MYO5B: variants seen among roughly 807,000 people sequenced by gnomAD.
MYO5B encodes the protein unconventional myosin-Vb.
MYO5B carries 143 observed loss-of-function variants against 229.3 expected under a neutral mutation model. The ratio of observed to expected loss-of-function variants is 0.62; its 90% CI spans 0.54 to 0.72. MYO5B has a LOEUF of 0.72. Ranked by LOEUF, MYO5B falls within the 30% of genes least tolerant of loss-of-function variation. MYO5B has a pLI of 0.00. For synonymous variants in MYO5B, 918 were observed against 885.2 expected (o/e 1.04, Z -0.66); for missense variants, 2,321 against 2,331.0 (o/e 1.00, Z 0.09).
chr18:50,021,158 T>C (rs114503216), intron 4 of MYO5B, among the ~76,000 whole-genome samples: 1,823 of 152,284 alleles, frequency 0.012, 30 homozygotes, highest in African/African-American at 0.042. Flanking sequence ...TGAGGAGCCA[T>C]TGAGTGTCAA....
intron 4 of MYO5B, among the ~76,000 whole-genome samples, chr18:50,009,777 C>T (rs1210712826): frequency 1.3e-5 from 2 of 152,264 alleles, no homozygotes; most frequent in African/African-American, 4.8e-5. Context: ...GGGGCTGGGC[C>T]GGAATGTTCC....
At chr18:49,936,450 T>C in intron 15 of MYO5B, 101 bp from the exon 16 acceptor site, 1 of 861,408 alleles carries the variant, frequency 1.2e-6, no homozygotes, top group South Asian at 1.4e-5. Flanking sequence ...GTTACTATTA[T>C]ATTATTAATC....
At chr18:50,005,048 A>G (rs769902344) in intron 4 of MYO5B, among the ~76,000 whole-genome samples, 2 of 152,210 alleles carry the variant, frequency 1.3e-5, no homozygotes, top group Non-Finnish European at 2.9e-5. Context: ...TCTTCTAAGT[A>G]GTCACCATGA....
intron 22 of MYO5B, among the ~76,000 whole-genome samples, chr18:49,893,464 A>G (rs1050604253): frequency 4.6e-5 from 7 of 152,216 alleles, no homozygotes; most frequent in African/African-American, 1.7e-4. Flanking sequence ...GTAGGTTACA[A>G]GACTTGTAGA....
At chr18:49,995,658 G>A (rs1331766903) in intron 5 of MYO5B, among the ~76,000 whole-genome samples, 1 of 152,168 alleles carries the variant, frequency 6.6e-6, no homozygotes, top group Non-Finnish European at 1.5e-5. Context: ...AGTGTAAACT[G>A]TATCTCAGGG....
At chr18:50,178,355 G>C (rs1488417977) in intron 1 of MYO5B, among the ~76,000 whole-genome samples, 1 of 152,148 alleles carries the variant, frequency 6.6e-6, no homozygotes, top group South Asian at 2.1e-4. Context: ...TCCCTGTCTG[G>C]TGCCATGAAC....
rs565574373 is a variant in MYO5B, at chr18:49,905,656, A to C, written c.2414+763T>G. Among the ~76,000 whole-genome samples the C allele has an allele frequency of 1.7e-3, 259 of 152,252 alleles. 2 individuals carry two copies. Among genetic ancestry groups the C allele is most frequent in the Non-Finnish European group, 9.3e-4 (63 of 68,018 alleles). On this transcript the variant is annotated intron_variant, in intron 19 of 39. Coordinates refer to ENST00000285039, the MANE Select transcript of MYO5B (RefSeq NM_001080467.3). Reference sequence around the variant, plus strand: ...CCAAACACAAGACTTTGTGGCGATTATTGTCACTTCTCTAAGGAAATTCCT... The same window carrying C: ...CCAAACACAAGACTTTGTGGCGATTCTTGTCACTTCTCTAAGGAAATTCCT...
intron 1 of MYO5B, among the ~76,000 whole-genome samples, chr18:50,141,571 C>A (rs2032418150): frequency 6.6e-6 from 1 of 152,214 alleles, no homozygotes; most frequent in Admixed American, 6.5e-5. Flanking sequence ...TTGGAGCTTA[C>A]CTGCCCTGCA....
intron 5 of MYO5B, among the ~76,000 whole-genome samples, chr18:49,993,625 C>T (rs1386065607): frequency 2.0e-5 from 3 of 152,124 alleles, no homozygotes; most frequent in East Asian, 1.9e-4. Flanking sequence ...CACCACCCTC[C>T]GAGTATAGAG....
chr18:50,164,971 G>C (rs1014442123), intron 1 of MYO5B, among the ~76,000 whole-genome samples: 1 of 152,198 alleles, frequency 6.6e-6, no homozygotes, highest in Non-Finnish European at 1.5e-5. Flanking sequence ...TCCCACCAAC[G>C]CTCTTCTTTC....
intron 1 of MYO5B, among the ~76,000 whole-genome samples, chr18:50,106,794 A>G (rs1325420569): frequency 6.6e-6 from 1 of 152,124 alleles, no homozygotes; most frequent in Non-Finnish European, 1.5e-5. Context: ...CATCTTATTC[A>G]CTGCTGTATC....
At chr18:49,910,511 T>G (rs1787302) in intron 18 of MYO5B, among the ~76,000 whole-genome samples, 1 of 151,796 alleles carries the variant, frequency 6.6e-6, no homozygotes, top group East Asian at 1.9e-4. Context: ...CTCAATCAAC[T>G]GGAGTCCAGC....
At chr18:49,954,583 G>A in intron 12 of MYO5B, 148 bp from the exon 13 acceptor site, 2 of 1,095,662 alleles carry the variant, frequency 1.8e-6, no homozygotes, top group East Asian at 2.6e-5. Flanking sequence ...TGCAAAGAAT[G>A]ATTCAACCAT....
rs150495550 is a variant in MYO5B at position 49,969,478 on chromosome 18, T to C, written c.1322+4872A>G. ...ATAAAAGATTAATAACCAGAATATG[T>C]AACAACTTGTAAATGAATATGTAAA... On this transcript the variant is annotated intron_variant, in intron 10 of 39. Coordinates refer to ENST00000285039, the MANE Select transcript of MYO5B (RefSeq NM_001080467.3). Among the ~76,000 whole-genome samples, 794 of 152,278 alleles carry C rather than the reference T, an allele frequency of 5.2e-3. 7 individuals carry two copies. The highest frequency in any genetic ancestry group is 0.018 in the African/African-American group (740 of 41,552).
At chr18:49,849,534 A>G in intron 32 of MYO5B, 33 bp downstream of exon 32, 1 of 1,494,640 alleles carries the variant, frequency 6.7e-7, no homozygotes, top group African/African-American at 1.4e-5. Flanking sequence ...TATACCTGTG[A>G]TTCACAAAAC....
At chr18:50,114,868 A>C (rs1406381905) in intron 1 of MYO5B, among the ~76,000 whole-genome samples, 3 of 152,234 alleles carry the variant, frequency 2.0e-5, no homozygotes, top group African/African-American at 7.2e-5. Flanking sequence ...GTGCTGCCCA[A>C]GACCTTGTTT....
chr18:49,831,271 G>A (rs2023917735), intron 39 of MYO5B, among the ~76,000 whole-genome samples: 2 of 152,080 alleles, frequency 1.3e-5, no homozygotes, highest in Non-Finnish European at 2.9e-5. Context: ...TACATAGATT[G>A]GACATCCTCA....
chr18:50,155,136 C>A (rs529170393), intron 1 of MYO5B, among the ~76,000 whole-genome samples: 3 of 152,152 alleles, frequency 2.0e-5, no homozygotes, highest in African/African-American at 7.2e-5. Context: ...GTTTCCAGTA[C>A]AGGGAGACCT....
At chr18:49,990,635 A>C in intron 6 of MYO5B, 115 bp from the exon 7 acceptor site, 1 of 820,012 alleles carries the variant, frequency 1.2e-6, no homozygotes, top group Non-Finnish European at 2.1e-6. Flanking sequence ...CACTCTTCCC[A>C]GTGTTTTCCT....
Sources: gnomAD v4.1 joint callset for allele counts (sites outside exome capture counted in the v4.1 genomes callset) on GRCh38, gnomAD v4.1.1 for gene constraint, MANE v1.5 for transcripts, NCBI Gene and HGNC (gene_info 2026-07-23, HGNC 2026-07-21) for gene names.